ROBO2: variants seen among roughly 807,000 people sequenced by gnomAD.
The protein encoded by ROBO2 is roundabout guidance receptor 2.
Under a neutral mutation model 160.8 loss-of-function variants are expected in ROBO2, and 53 were observed. That is an observed-to-expected ratio of 0.33 (90% CI 0.26 to 0.41). The LOEUF is 0.41. Among genes scored for constraint, ROBO2 ranks in the 10% least tolerant of loss-of-function variants. The pLI, the probability that ROBO2 is intolerant of heterozygous loss-of-function variation, is 1.00. For missense variants in ROBO2, 1,577 were observed against 1,722.4 expected, an observed-to-expected ratio of 0.92 and a Z score of 1.49; for synonymous variants, 664 against 611.7, an observed-to-expected ratio of 1.09 and a Z score of -1.26.
At position 77,148,546 on chromosome 3, in the gene ROBO2, C is replaced by T. The variant is rs141569822; in HGVS notation, c.388+50206C>T. Among the ~76,000 whole-genome samples the T allele has an allele frequency of 4.1e-3, 617 of 152,330 alleles. 3 individuals are homozygous for T. Among genetic ancestry groups the T allele is most frequent in the Non-Finnish European group, 7.1e-3 (486 of 68,028 alleles). ...AAAGAACTATTGTGTATTCAGTTCT[C>T]ATGTTCCCATTCCTTAATCAACACA... On this transcript the variant is annotated intron_variant, in intron 2 of 25. Transcript: ENST00000461745.
At chr3:76,571,957 C>G (rs2084983788) in intron 2 of ROBO2, among the ~76,000 whole-genome samples, 1 of 152,074 alleles carries the variant, frequency 6.6e-6, no homozygotes, top group South Asian at 2.1e-4. Context: ...GCCTGGATAT[C>G]ATTGATGTAT....
chr3:77,594,832 T>C (rs180859979), intron 17 of ROBO2, among the ~76,000 whole-genome samples: 28 of 152,332 alleles, frequency 1.8e-4, no homozygotes, highest in Admixed American at 6.5e-4. Flanking sequence ...TAATGCTACG[T>C]TGATCTTGCA....
chr3:77,347,727 A>T (rs567874447), intron 2 of ROBO2, among the ~76,000 whole-genome samples: 1 of 152,096 alleles, frequency 6.6e-6, no homozygotes, highest in African/African-American at 2.4e-5. Context: ...TCACACTGTC[A>T]TCATTGATAT....
intron 2 of ROBO2, among the ~76,000 whole-genome samples, chr3:76,336,814 G>T (rs182201745): frequency 2.6e-5 from 4 of 151,808 alleles, no homozygotes; most frequent in African/African-American, 9.7e-5. Flanking sequence ...AGATTTTTTC[G>T]TAAGAGCATT....
chr3:76,263,020 T>C (rs1008414089), intron 2 of ROBO2, among the ~76,000 whole-genome samples: 3 of 152,124 alleles, frequency 2.0e-5, no homozygotes, highest in Non-Finnish European at 2.9e-5. Context: ...AAACTCAACA[T>C]GCCATCAGTA....
chr3:75,965,817 C>CT (rs1949089409), intron 2 of ROBO2, among the ~76,000 whole-genome samples: 1 of 151,480 alleles, frequency 6.6e-6, no homozygotes, highest in African/African-American at 2.4e-5. Flanking sequence ...TCCCAGAACT[C>CT]TAATATATAT....
chr3:76,205,423 G>A (rs1702754057), intron 2 of ROBO2, among the ~76,000 whole-genome samples: 1 of 152,116 alleles, frequency 6.6e-6, no homozygotes, highest in African/African-American at 2.4e-5. Context: ...AGATCAAGAA[G>A]CATCACACTC....
At chr3:76,654,014 C>T (rs774853790) in intron 2 of ROBO2, among the ~76,000 whole-genome samples, 12 of 152,168 alleles carry the variant, frequency 7.9e-5, no homozygotes, top group Non-Finnish European at 1.5e-4. Flanking sequence ...TGCTTAAGTA[C>T]TGATGGAAGT....
intron 2 of ROBO2, among the ~76,000 whole-genome samples, chr3:77,373,867 CAAAAAA>C (rs35983454): frequency 8.9e-6 from 1 of 112,414 alleles, no homozygotes. Flanking sequence ...CCAAAGCAGG[CAAAAAA>C]AAAAAAAAAA....
At chr3:77,483,997 T>C (rs561498875) in intron 4 of ROBO2, among the ~76,000 whole-genome samples, 19 of 151,998 alleles carry the variant, frequency 1.3e-4, no homozygotes, top group African/African-American at 4.6e-4. Flanking sequence ...TTCAGCATTA[T>C]ATATTTTAAA....
At chr3:76,883,968 T>C (rs2073624671) in intron 2 of ROBO2, among the ~76,000 whole-genome samples, 1 of 152,194 alleles carries the variant, frequency 6.6e-6, no homozygotes, top group African/African-American at 2.4e-5. Context: ...TTATATTTTG[T>C]CCTTTGTTAT....
chr3:76,830,757 G>A (rs1054583153), intron 2 of ROBO2, among the ~76,000 whole-genome samples: 12 of 148,326 alleles, frequency 8.1e-5, no homozygotes, highest in Admixed American at 6.1e-4. Flanking sequence ...CAGAAGAATC[G>A]CTTGAGACCC....
intron 2 of ROBO2, among the ~76,000 whole-genome samples, chr3:76,619,416 A>G (rs2109222506): frequency 6.6e-6 from 1 of 152,074 alleles, no homozygotes; most frequent in African/African-American, 2.4e-5. Flanking sequence ...CCATGGAGCA[A>G]TTTCTTTTCT....
At chr3:77,410,717 TTCC>T (rs1180398496) in intron 2 of ROBO2, among the ~76,000 whole-genome samples, 6 of 53,634 alleles carry the variant, frequency 1.1e-4, no homozygotes, top group East Asian at 6.9e-4. Context: ...CCTCCTCCTC[TTCC>T]TCCTCCTCCT....
At chr3:76,514,120 A>G (rs1205944209) in intron 2 of ROBO2, among the ~76,000 whole-genome samples, 1 of 152,168 alleles carries the variant, frequency 6.6e-6, no homozygotes, top group Non-Finnish European at 1.5e-5. Flanking sequence ...TTACTTGTTG[A>G]AAAAAGTGTG....
At chr3:77,130,878 A>G (rs1373744888) in intron 2 of ROBO2, among the ~76,000 whole-genome samples, 3 of 152,208 alleles carry the variant, frequency 2.0e-5, no homozygotes, top group African/African-American at 4.8e-5. Context: ...TCATTTATAT[A>G]TGAATTATTT....
chr3:75,992,310 G>T (rs982298457), intron 2 of ROBO2, among the ~76,000 whole-genome samples: 2 of 152,124 alleles, frequency 1.3e-5, no homozygotes, highest in African/African-American at 4.8e-5. Context: ...TCTCCTGTGT[G>T]CAGTCTAGGG....
chr3:76,042,014 G>C (rs140635130), intron 2 of ROBO2, among the ~76,000 whole-genome samples: 2 of 104,776 alleles, frequency 1.9e-5, no homozygotes, highest in East Asian at 5.8e-4. Flanking sequence ...GAGCAAGAGA[G>C]AGAGAGAGAG....
At chr3:76,034,253 GA>G (rs1179029493) in intron 2 of ROBO2, among the ~76,000 whole-genome samples, 3 of 151,682 alleles carry the variant, frequency 2.0e-5, no homozygotes, top group African/African-American at 7.3e-5. Flanking sequence ...TTTCCTGAAG[GA>G]AAAAAAATAT....
Sources: allele counts gnomAD v4.1 joint callset (sites outside exome capture counted in the v4.1 genomes callset), GRCh38; gene constraint gnomAD v4.1.1; transcripts MANE v1.5; gene names NCBI Gene and HGNC (gene_info 2026-07-23, HGNC 2026-07-21).